Variants in PRDM11 observed in about 807,000 individuals in gnomAD.
PRDM11 encodes the protein PR domain-containing protein 11.
Under a neutral mutation model 97.8 loss-of-function variants are expected in PRDM11, and 20 were observed. The observed-to-expected ratio is 0.20, with a 90% CI of 0.14 to 0.30. The LOEUF (loss-of-function observed/expected upper bound fraction) is 0.30, where lower values mean the gene tolerates loss of function less well. Ranked by LOEUF, PRDM11 falls within the 10% of genes least tolerant of loss-of-function variation. The pLI is 1.00. For synonymous variants in PRDM11, 599 were observed against 637.7 expected (o/e 0.94, Z 0.91); for missense variants, 1,139 against 1,555.2 (o/e 0.73, Z 4.50).
rs72907028 is a variant in PRDM11, at chr11:45,101,238, G to C, written c.96+5337G>C. Among the ~76,000 whole-genome samples, 237 of 152,292 alleles carry C rather than the reference G, an allele frequency of 1.6e-3. 2 individuals are homozygous for C. Among genetic ancestry groups the C allele is most frequent in the Admixed American group, 2.8e-3 (43 of 15,298 alleles). Reference sequence around the variant, plus strand: ...AGAGCAGAGACTTGCCCAGTCCTCAGACCTGGGAGGTCTCCTTCAAGTGTC... The same window carrying C: ...AGAGCAGAGACTTGCCCAGTCCTCACACCTGGGAGGTCTCCTTCAAGTGTC... On this transcript the variant is annotated intron_variant, in intron 1 of 6. Coordinates refer to the PRDM11 transcript ENST00000530656.
chr11:45,104,839 G>A (rs1488524711), intron 1 of PRDM11, among the ~76,000 whole-genome samples: 1 of 152,160 alleles, frequency 6.6e-6, no homozygotes, highest in Non-Finnish European at 1.5e-5. Flanking sequence ...GGTTCTCGAT[G>A]CCTTGTGATG....
chr11:45,197,996 T>TG (rs1270317406), intron 4 of PRDM11, among the ~76,000 whole-genome samples: 2 of 152,140 alleles, frequency 1.3e-5, no homozygotes, highest in African/African-American at 4.8e-5. Context: ...GTTGTGCACA[T>TG]GTACCCTAGA....
intron 1 of PRDM11, among the ~76,000 whole-genome samples, chr11:45,099,808 T>C (rs565752622): frequency 6.6e-6 from 1 of 152,258 alleles, no homozygotes; most frequent in Non-Finnish European, 1.5e-5. Flanking sequence ...GTAGGTCTTA[T>C]GCATTCTTTC....
chr11:45,112,565 C>T (rs1002280621), intron 1 of PRDM11, among the ~76,000 whole-genome samples: 3 of 152,152 alleles, frequency 2.0e-5, no homozygotes, highest in Non-Finnish European at 4.4e-5. Context: ...GCAACATAAA[C>T]GTGTTCCCTT....
chr11:45,151,956 C>T (rs924877769), intron 1 of PRDM11, among the ~76,000 whole-genome samples: 2 of 152,180 alleles, frequency 1.3e-5, no homozygotes, highest in Admixed American at 1.3e-4. Flanking sequence ...TCCTGGTCCT[C>T]GGCATTGGTT....
chr11:45,098,029 TC>T (rs140698646), intron 1 of PRDM11, among the ~76,000 whole-genome samples: 4,156 of 152,024 alleles, frequency 0.027, 92 homozygotes, highest in Middle Eastern at 0.044. Context: ...ATCCCTTCAC[TC>T]CCCAACTACC....
chr11:45,125,249 G>T (rs1852538572), intron 1 of PRDM11, among the ~76,000 whole-genome samples: 1 of 151,738 alleles, frequency 6.6e-6, no homozygotes, highest in Admixed American at 6.6e-5. Flanking sequence ...TATTAGTCTT[G>T]CTAGCGGTCT....
intron 1 of PRDM11, among the ~76,000 whole-genome samples, chr11:45,119,646 A>T (rs942101559): frequency 2.7e-5 from 4 of 148,912 alleles, no homozygotes; most frequent in African/African-American, 5.0e-5. Flanking sequence ...AAAAAAAAAA[A>T]AAACACCTGG....
At chr11:45,121,984 T>G (rs762042872) in intron 1 of PRDM11, among the ~76,000 whole-genome samples, 14 of 151,802 alleles carry the variant, frequency 9.2e-5, no homozygotes, top group Non-Finnish European at 7.4e-5. Flanking sequence ...GGAAAATTAA[T>G]GAATCTAAGC....
At chr11:45,147,145 C>T (rs1306264067) in intron 1 of PRDM11, among the ~76,000 whole-genome samples, 11 of 151,566 alleles carry the variant, frequency 7.3e-5, no homozygotes, top group Non-Finnish European at 1.3e-4. Flanking sequence ...CCTCCGCCTC[C>T]TTCCTCCCAG....
At chr11:45,101,049 G>T (rs971710118) in intron 1 of PRDM11, among the ~76,000 whole-genome samples, 1 of 152,116 alleles carries the variant, frequency 6.6e-6, no homozygotes, top group Non-Finnish European at 1.5e-5. Context: ...TGTTGGAAGT[G>T]GGGGGGTGGG....
chr11:45,153,426 A>G (rs1331397309), intron 1 of PRDM11, among the ~76,000 whole-genome samples: 1 of 152,240 alleles, frequency 6.6e-6, no homozygotes, highest in Non-Finnish European at 1.5e-5. Flanking sequence ...GGGCAATGCC[A>G]CTACTGGCCT....
At chr11:45,104,514 C>A (rs1181018757) in intron 1 of PRDM11, among the ~76,000 whole-genome samples, 1 of 152,152 alleles carries the variant, frequency 6.6e-6, no homozygotes, top group Non-Finnish European at 1.5e-5. Flanking sequence ...CTCCTACTGA[C>A]CTTACAGGAT....
At chr11:45,165,914 A>G (rs1852052924) in intron 1 of PRDM11, among the ~76,000 whole-genome samples, 1 of 152,118 alleles carries the variant, frequency 6.6e-6, no homozygotes, top group African/African-American at 2.4e-5. Flanking sequence ...GCCATGCTAC[A>G]CTGCCACCTG....
intron 1 of PRDM11, among the ~76,000 whole-genome samples, chr11:45,133,829 C>T (rs1328401289): frequency 6.6e-6 from 1 of 152,180 alleles, no homozygotes; most frequent in Admixed American, 6.5e-5. Context: ...AACATACACC[C>T]CAGCTCACGG....
At chr11:45,178,602 C>T (rs1852388735) in intron 1 of PRDM11, among the ~76,000 whole-genome samples, 1 of 152,178 alleles carries the variant, frequency 6.6e-6, no homozygotes, top group Non-Finnish European at 1.5e-5. Flanking sequence ...CCCAATGGGA[C>T]CAGTGGGACA....
intron 1 of PRDM11, among the ~76,000 whole-genome samples, chr11:45,163,120 G>A (rs1004418434): frequency 3.3e-5 from 5 of 152,144 alleles, no homozygotes; most frequent in East Asian, 3.9e-4. Context: ...GTGTGCCCCC[G>A]GGGAACAGAG....
chr11:45,226,076 A>G lies in PRDM11; in HGVS notation c.1451A>G (p.Asn484Ser). 2.0e-6 allele frequency: 3 copies of G among 1,528,896 alleles called. No individual in the cohort carries two copies. Among genetic ancestry groups the G allele is most frequent in the Non-Finnish European group, 8.8e-7 (1 of 1,142,452 alleles). 94.7% of individuals were successfully genotyped at this position (1,528,896 alleles called of 1,614,324 possible). Residue 484 changes from asparagine to serine, a missense_variant, in exon 8 of 8, where the codon AAT (asparagine) becomes AGT (serine). Physicochemically the swap from Asn to Ser is conservative, Grantham distance 46. Around this residue, in one of 2 missense-constraint regions of PRDM11, gnomAD observed 710 missense variants for 1,044.9 expected, o/e 0.68. Coordinates refer to ENST00000683152, the MANE Select transcript of PRDM11 (RefSeq NM_001384648.1). The part of the protein sequence containing the change: ...EVDSADESVS[N>S]DMMTATDEPS... Reference sequence around the variant, plus strand: ...GATTCAGCAGATGAATCTGTCTCCAATGATATGATGACAGCGACGGATGAG... The same window carrying G: ...GATTCAGCAGATGAATCTGTCTCCAGTGATATGATGACAGCGACGGATGAG...
rs56367204 is a variant in PRDM11 at position 45,119,619 on chromosome 11, C to CAAAAAAAAAAAAAAA, written c.96+23734_96+23748dup. Among the ~76,000 whole-genome samples the CAAAAAAAAAAAAAAA allele has an allele frequency of 4.9e-4, 21 of 43,060 alleles. 1 individual carries two copies. The highest frequency in any genetic ancestry group is 2.8e-3 in the African/African-American group (21 of 7,504). 28.2% of individuals were successfully genotyped at this position (43,060 alleles called of 152,430 possible). On this transcript the variant is annotated intron_variant, in intron 1 of 6. Coordinates refer to the PRDM11 transcript ENST00000530656. ...CCTGGGTGACAGCGAGATTCTGTCTCAAAAAAAAAAAAAAAAAAAAAAAAA... is the reference window on the plus strand; with the variant it reads ...CCTGGGTGACAGCGAGATTCTGTCTCAAAAAAAAAAAAAAAAAAAAAAAAAAAAAAAAAAAAAAAA...
Sources: gnomAD v4.1 joint callset for allele counts (sites outside exome capture counted in the v4.1 genomes callset) on GRCh38, gnomAD v4.1.1 for gene constraint, gnomAD v4.1.1 regional missense constraint, MANE v1.5 for transcripts, NCBI Gene and HGNC (gene_info 2026-07-23, HGNC 2026-07-21) for gene names.